The following CDH13 variants were observed in gnomAD, a reference collection of about 807,000 sequenced individuals.
The protein encoded by CDH13 is cadherin 13.
A neutral mutation model predicts 63.8 loss-of-function variants in CDH13; 24 were observed. The ratio of observed to expected loss-of-function variants is 0.38; its 90% CI spans 0.27 to 0.53. CDH13 has a LOEUF of 0.53. CDH13 is among the 20% of genes least tolerant of loss of function. The pLI, the probability that CDH13 is intolerant of heterozygous loss-of-function variation, is 0.85. For missense variants in CDH13, 1,049 were observed against 903.1 expected (o/e 1.16, Z -2.07); for synonymous variants, 503 against 355.3 (o/e 1.42, Z -4.67).
At chr16:83,157,254 T>C (rs967921244) in intron 4 of CDH13, among the ~76,000 whole-genome samples, 1 of 151,710 alleles carries the variant, frequency 6.6e-6, no homozygotes, top group Admixed American at 6.6e-5. Context: ...GTGAGATGAC[T>C]ACAGGTAACA....
intron 6 of CDH13, among the ~76,000 whole-genome samples, chr16:83,382,255 C>T (rs771171470): frequency 2.8e-4 from 42 of 152,162 alleles, no homozygotes; most frequent in Non-Finnish European, 4.7e-4. Context: ...CAAAAATGAA[C>T]ATTGACCAAT....
intron 5 of CDH13, among the ~76,000 whole-genome samples, chr16:83,290,913 A>G (rs766251739): frequency 1.3e-5 from 2 of 152,036 alleles, no homozygotes; most frequent in Non-Finnish European, 2.9e-5. Flanking sequence ...GGGAACATCT[A>G]TACATTTCTC....
chr16:83,367,366 T>A (rs2091278288), intron 6 of CDH13, among the ~76,000 whole-genome samples: 1 of 152,258 alleles, frequency 6.6e-6, no homozygotes, highest in South Asian at 2.1e-4. Context: ...GTTTTTACGT[T>A]ATATTTTATG....
intron 1 of CDH13, among the ~76,000 whole-genome samples, chr16:82,763,906 C>A (rs538236128): frequency 6.6e-6 from 1 of 152,156 alleles, no homozygotes; most frequent in Non-Finnish European, 1.5e-5. Flanking sequence ...CTCCTGGGCT[C>A]AAGCAATCCA....
chr16:83,381,239 C>G (rs370343613), intron 6 of CDH13, among the ~76,000 whole-genome samples: 1 of 152,084 alleles, frequency 6.6e-6, no homozygotes, highest in Non-Finnish European at 1.5e-5. Context: ...TCCTTGCCAT[C>G]TGGAGTGAGC....
intron 5 of CDH13, among the ~76,000 whole-genome samples, chr16:83,329,227 T>C (rs998830351): frequency 6.6e-6 from 1 of 152,124 alleles, no homozygotes; most frequent in Non-Finnish European, 1.5e-5. Context: ...TTTCTTGTTT[T>C]GTTTTGTTTT....
intron 2 of CDH13, among the ~76,000 whole-genome samples, chr16:82,866,311 T>G (rs920171669): frequency 6.6e-6 from 1 of 151,648 alleles, no homozygotes; most frequent in Non-Finnish European, 1.5e-5. Flanking sequence ...GGTATCCTTA[T>G]AGCAGCACCC....
At chr16:82,766,288 C>T (rs889723861) in intron 1 of CDH13, among the ~76,000 whole-genome samples, 5 of 152,102 alleles carry the variant, frequency 3.3e-5, no homozygotes, top group East Asian at 1.9e-4. Context: ...TTGCAAAACC[C>T]GTAAATCCGT....
chr16:82,732,866 C>A (rs769128898), intron 1 of CDH13, among the ~76,000 whole-genome samples: 2 of 152,268 alleles, frequency 1.3e-5, no homozygotes, highest in African/African-American at 4.8e-5. Context: ...TCCGGATACC[C>A]ATTACAGAGG....
At chr16:82,915,978 A>T (rs1262443281) in intron 2 of CDH13, among the ~76,000 whole-genome samples, 2 of 151,932 alleles carry the variant, frequency 1.3e-5, no homozygotes, top group Non-Finnish European at 1.5e-5. Flanking sequence ...TGTTCAAAGC[A>T]TGTCTGAGCA....
At chr16:83,037,641 A>G (rs1341125862) in intron 3 of CDH13, among the ~76,000 whole-genome samples, 1 of 152,156 alleles carries the variant, frequency 6.6e-6, no homozygotes, top group Non-Finnish European at 1.5e-5. Context: ...ATATGCTCCT[A>G]GGGACATCTT....
At chr16:83,273,170 CA>C (rs2088877732) in intron 5 of CDH13, among the ~76,000 whole-genome samples, 1 of 150,416 alleles carries the variant, frequency 6.6e-6, no homozygotes, top group Admixed American at 6.7e-5. Context: ...AAAATAATAT[CA>C]ATTTTTTTTT....
intron 7 of CDH13, among the ~76,000 whole-genome samples, chr16:83,574,104 G>A (rs1904891832): frequency 6.6e-6 from 1 of 152,138 alleles, no homozygotes; most frequent in African/African-American, 2.4e-5. Flanking sequence ...TGCTGAAAAA[G>A]AGACCCTGCA....
chr16:83,293,469 A>G (rs758662435), intron 5 of CDH13, among the ~76,000 whole-genome samples: 4 of 152,200 alleles, frequency 2.6e-5, no homozygotes, highest in African/African-American at 4.8e-5. Flanking sequence ...TGTTTTCTTT[A>G]CAAAGCCACC....
intron 6 of CDH13, among the ~76,000 whole-genome samples, chr16:83,383,664 C>T (rs2091614793): frequency 6.6e-6 from 1 of 152,080 alleles, no homozygotes; most frequent in Admixed American, 6.6e-5. Flanking sequence ...TTTTTTAATG[C>T]TGTGCTTAAA....
At chr16:83,778,342 C>G (rs994013905) in intron 11 of CDH13, among the ~76,000 whole-genome samples, 9 of 152,146 alleles carry the variant, frequency 5.9e-5, no homozygotes, top group African/African-American at 9.7e-5. Context: ...CCAGACTGAC[C>G]AACGTGGTGA....
At chr16:82,640,942 CTAAA>C (rs1909322299) in intron 1 of CDH13, among the ~76,000 whole-genome samples, 1 of 152,172 alleles carries the variant, frequency 6.6e-6, no homozygotes, top group Non-Finnish European at 1.5e-5. Flanking sequence ...TTGAATTCCT[CTAAA>C]TAAATAGAGA....
At chr16:82,845,572 T>G (rs1404466605) in intron 1 of CDH13, among the ~76,000 whole-genome samples, 1 of 152,170 alleles carries the variant, frequency 6.6e-6, no homozygotes, top group Non-Finnish European at 1.5e-5. Context: ...ATCTTTTGTC[T>G]CTGTGGATTC....
At chr16:83,172,807 A>G in intron 4 of CDH13, among the ~76,000 whole-genome samples, 1 of 152,130 alleles carries the variant, frequency 6.6e-6, no homozygotes, top group East Asian at 1.9e-4. Context: ...GAAAACAAAG[A>G]AGGCTAAATA....
Sources: gnomAD v4.1 joint callset for allele counts (sites outside exome capture counted in the v4.1 genomes callset) on GRCh38, gnomAD v4.1.1 for gene constraint, MANE v1.5 for transcripts, NCBI Gene and HGNC (gene_info 2026-07-23, HGNC 2026-07-21) for gene names.